KIR2DL1: variants seen among roughly 807,000 people sequenced by gnomAD.
The protein encoded by KIR2DL1 is killer cell immunoglobulin-like receptor 2DL1.
KIR2DL1 carries 38 observed loss-of-function variants against 33.9 expected under a neutral mutation model. The observed-to-expected ratio is 1.12, with a 90% CI of 0.86 to 1.47. The LOEUF (loss-of-function observed/expected upper bound fraction) is 1.47. KIR2DL1 is among the 40% of genes most tolerant of loss of function. KIR2DL1 has a pLI of 0.00. For synonymous variants in KIR2DL1, 179 were observed against 165.9 expected, an observed-to-expected ratio of 1.08 and a Z score of -0.61; for missense variants, 531 against 433.9, an observed-to-expected ratio of 1.22 and a Z score of -1.99.
chr19:54,776,764 C>T (rs1351615073), intron 4 of KIR2DL1, among the ~76,000 whole-genome samples: 3 of 146,692 alleles, frequency 2.0e-5, no homozygotes, highest in African/African-American at 7.5e-5. Context: ...CCTCAGCCTC[C>T]CTAGTAGCTG....
rs2075983743 is a variant in KIR2DL1, at chr19:54,773,435, T to C, written c.173T>C (p.Phe58Ser). 1 of 1,589,764 alleles carries C rather than the reference T, an allele frequency of 6.3e-7. No individual in the cohort carries two copies. Residue 58 changes from phenylalanine (F) to serine (S), a missense_variant, in exon 3 of 8, where the codon TTC (phenylalanine) becomes TCC (serine). Phe to Ser is a radical substitution (Grantham distance 155). Transcript: ENST00000336077. ...TGGTCAGATGTCATGTTTGAACACTTCCTTCTGCACAGAGAGGGGATGTTT... is the reference window on the plus strand; with the variant it reads ...TGGTCAGATGTCATGTTTGAACACTCCCTTCTGCACAGAGAGGGGATGTTT... ...QCWSDVMFEHFLLHREGMFND... is the reference protein window; with the variant it reads ...QCWSDVMFEHSLLHREGMFND...
rs760827133 is a variant in KIR2DL1, at chr19:54,783,705, A to G, written c.939A>G (p.Arg313=). Residue 313 remains arginine, a synonymous_variant, in exon 8 of 8, where the codon AGA becomes AGG. Transcript: ENST00000336077. ...TGAATCACTGCGTTTTCACACAGAG[A>G]AAAATCACTCGCCCTTCTCAGAGGC... ...TQLNHCVFTQ[R]KITRPSQRPK... is the part of the protein sequence containing the mutation. 18 of 1,613,924 alleles carry G rather than the reference A, an allele frequency of 1.1e-5. No individual in the cohort carries two copies. The South Asian group carries it at 1.6e-4, about 15-fold the overall frequency.
In KIR2DL1 at chr19:54,782,007, A is replaced by C. The variant is rs1169579503; in HGVS notation, c.716-915A>C. ...AGAACACACAGAGAATACGTTACAT[A>C]GGCAGGTTCATTACTAACAGATAAG... On this transcript the variant is annotated intron_variant, in intron 5 of 7. Transcript: ENST00000336077. Among the ~76,000 whole-genome samples the C allele has an allele frequency of 2.0e-5, 3 of 152,048 alleles. No homozygotes were observed. The East Asian group carries it at 5.8e-4, about 29-fold the overall frequency.
chr19:54,771,016 TCTGACCTTG>T, intron 2 of KIR2DL1, 132 bp downstream of exon 2: 1 of 1,344,756 alleles, frequency 7.4e-7, no homozygotes. Flanking sequence ...GGCCCACATT[TCTGACCTTG>T]CCTCCCTGGC....
intron 5 of KIR2DL1, among the ~76,000 whole-genome samples, chr19:54,781,292 C>T (rs1345086555): frequency 2.7e-5 from 4 of 148,426 alleles, no homozygotes. Flanking sequence ...GATCCTTTAT[C>T]TTATCCATTA....
chr19:54,781,620 T>C (rs1336939510), intron 5 of KIR2DL1, among the ~76,000 whole-genome samples: 1 of 151,566 alleles, frequency 6.6e-6, no homozygotes, highest in Non-Finnish European at 1.5e-5. Context: ...ACAGGTGGTT[T>C]TGAAGCAATA....
intron 4 of KIR2DL1, 79 bp from the exon 5 acceptor site, chr19:54,778,533 T>C (rs2076606793): frequency 7.3e-7 from 1 of 1,366,014 alleles, no homozygotes. Flanking sequence ...GTGTTGGCCA[T>C]GAACCATCCT....
chr19:54,782,630 C>G (rs779577446), intron 5 of KIR2DL1, among the ~76,000 whole-genome samples: 68 of 152,202 alleles, frequency 4.5e-4, no homozygotes, highest in Non-Finnish European at 8.5e-4. Flanking sequence ...GATCCACCTC[C>G]ATGACCCAAA....
intron 4 of KIR2DL1, among the ~76,000 whole-genome samples, chr19:54,776,099 T>A (rs2076300572): frequency 6.9e-6 from 1 of 144,954 alleles, no homozygotes; most frequent in Non-Finnish European, 1.5e-5. Context: ...ACCATGTTGG[T>A]CGAGCTGGTC....
chr19:54,777,615 G>C (rs1165935014), intron 4 of KIR2DL1, among the ~76,000 whole-genome samples: 1 of 148,862 alleles, frequency 6.7e-6, no homozygotes, highest in African/African-American at 2.5e-5. Context: ...CTCCCAATCT[G>C]TGGGTTGTCT....
intron 6 of KIR2DL1, among the ~76,000 whole-genome samples, 183 bp downstream of exon 6, chr19:54,783,206 C>A (rs1249136401): frequency 6.6e-6 from 1 of 151,566 alleles, no homozygotes; most frequent in Non-Finnish European, 1.5e-5. Flanking sequence ...CAGACCGTTG[C>A]CTGATTCTGA....
chr19:54,775,567 G>T (rs200337299), intron 4 of KIR2DL1, 109 bp downstream of exon 4: 158,044 of 1,258,712 alleles, frequency 0.13, 50 homozygotes, highest in Middle Eastern at 0.21. Context: ...AGAAGACGCA[G>T]CCTCGGTGTG....
chr19:54,775,493 A>G lies in KIR2DL1; in HGVS notation c.664+35A>G, dbSNP rs552049609. The G allele has an allele frequency of 1.3e-4, 197 of 1,549,508 alleles. 20 individuals carry two copies. Among genetic ancestry groups the G allele is most frequent in the Non-Finnish European group, 1.7e-4 (191 of 1,131,614 alleles). ...GCCCATGGCTGTCCCATGTCCTATGATCCTAGAGCCTTAGCTGAGGAGCTT... is the reference window on the plus strand; with the variant it reads ...GCCCATGGCTGTCCCATGTCCTATGGTCCTAGAGCCTTAGCTGAGGAGCTT... On this transcript the variant is annotated intron_variant, in intron 4 of 7. Coordinates refer to ENST00000336077, the MANE Select transcript of KIR2DL1 (RefSeq NM_014218.3).
At position 54,770,683 on chromosome 19, in the gene KIR2DL1, C is replaced by A. The variant is rs113777001; in HGVS notation, c.35-166C>A. Among the ~76,000 whole-genome samples the A allele has an allele frequency of 6.6e-3, 968 of 147,438 alleles. 53 individuals carry two copies. The highest frequency in any genetic ancestry group is 0.022 in the African/African-American group (900 of 40,528). The stretch of plus-strand genomic sequence containing the variant: ...GGGGATATGGACCTGGAGGCTGGGT[C>A]TCTGCACAGCCGACAGCCCTGTTCT... On this transcript the variant is annotated intron_variant, in intron 1 of 7. Transcript: ENST00000336077.
intron 5 of KIR2DL1, among the ~76,000 whole-genome samples, chr19:54,780,545 C>A (rs4969491): frequency 2.1e-5 from 3 of 143,560 alleles, no homozygotes; most frequent in African/African-American, 7.9e-5. Context: ...TCGGGGTAAC[C>A]AGGAATCCCT....
chr19:54,781,551 A>T (rs2076947113), intron 5 of KIR2DL1, among the ~76,000 whole-genome samples: 1 of 151,152 alleles, frequency 6.6e-6, no homozygotes, highest in Non-Finnish European at 1.5e-5. Flanking sequence ...CAGATCTTGG[A>T]ATCAGAGATC....
rs371209191 is a variant in KIR2DL1 at position 54,783,019 on chromosome 19, A to T, written c.813A>T (p.Lys271Asn). Reference protein sequence around the residue: ...FFLLHRWCSNKKNAAVMDQES... With the variant: ...FFLLHRWCSNNKNAAVMDQES... ...TCCTTCATCGCTGGTGCTCCAACAA[A>T]AAAAGTAAGTCTCACGAAGCAGAGG... Residue 271 changes from lysine to asparagine, a missense_variant, in exon 6 of 8, where the codon AAA becomes AAT. Lys to Asn is a moderately conservative substitution (Grantham distance 94). Transcript: ENST00000336077. 4 of 1,612,908 alleles carry T rather than the reference A, an allele frequency of 2.5e-6. No homozygotes were observed. The highest frequency in any genetic ancestry group is 3.4e-6 in the Non-Finnish European group (4 of 1,179,440).
chr19:54,783,859 C>A lies in KIR2DL1; in HGVS notation c.*46C>A. 4 of 1,613,372 alleles carry A rather than the reference C, an allele frequency of 2.5e-6. No homozygotes were observed. The highest frequency in any genetic ancestry group is 3.4e-6 in the Non-Finnish European group (4 of 1,179,542). On this transcript the variant is annotated 3_prime_UTR_variant, in exon 8 of 8. Transcript: ENST00000336077. ...GGGCGTCTTCTAGGGAGACAACAGC[C>A]CTGTCTCAAAACCGGGTTGCCAGCT...
At chr19:54,774,209 G>A (rs1009527302) in intron 3 of KIR2DL1, among the ~76,000 whole-genome samples, 1 of 142,896 alleles carries the variant, frequency 7.0e-6, no homozygotes, top group Admixed American at 7.2e-5. Context: ...TTCCAAATAA[G>A]CCCACTTATG....
Sources: allele counts gnomAD v4.1 joint callset (sites outside exome capture counted in the v4.1 genomes callset), GRCh38; gene constraint gnomAD v4.1.1; transcripts MANE v1.5; gene names NCBI Gene and HGNC (gene_info 2026-07-23, HGNC 2026-07-21).